TMEM204: variants seen among roughly 807,000 people sequenced by gnomAD.
The protein encoded by TMEM204 is transmembrane protein 204.
TMEM204 carries 15 observed loss-of-function variants against 19.4 expected under a neutral mutation model. The observed-to-expected ratio is 0.77, with a 90% confidence interval of 0.52 to 1.19. The LOEUF (loss-of-function observed/expected upper bound fraction) is 1.19, where lower values mean the gene tolerates loss of function less well. Ranked by LOEUF, TMEM204 falls within the 50% of genes most tolerant of loss-of-function variation. The probability of loss-of-function intolerance (pLI) is 0.00; values close to 1 mark genes in which losing one functional copy is unlikely to be tolerated. For missense variants in TMEM204, 287 were observed against 321.2 expected, an observed-to-expected ratio of 0.89 and a Z score of 0.81; for synonymous variants, 161 against 146.0, an observed-to-expected ratio of 1.10 and a Z score of -0.74.
intron 1 of TMEM204, chr16:1,540,958 G>A: frequency 1.0e-6 from 1 of 985,398 alleles, no homozygotes; most frequent in African/African-American, 1.7e-5. Context: ...AGGGGCCTGG[G>A]AACACACTGC....
intron 2 of TMEM204, among the ~76,000 whole-genome samples, chr16:1,552,534 C>T (rs2032737196): frequency 6.6e-6 from 1 of 152,204 alleles, no homozygotes; most frequent in Non-Finnish European, 1.5e-5. Flanking sequence ...CAGGCTCATT[C>T]CTTCACCCCA....
intron 1 of TMEM204, among the ~76,000 whole-genome samples, chr16:1,535,990 C>T (rs1271570947): frequency 2.0e-5 from 3 of 152,270 alleles, no homozygotes; most frequent in Non-Finnish European, 4.4e-5. Flanking sequence ...AGCCCCGTTA[C>T]TGTGCTGAAC....
In TMEM204 at chr16:1,534,533, G is replaced by A; in HGVS notation, c.258G>A (p.Gln86=). 1.2e-6 allele frequency: 2 copies of A among 1,605,010 alleles called. No individual in the cohort carries two copies. The highest frequency in any genetic ancestry group is 1.7e-6 in the Non-Finnish European group (2 of 1,179,748). ...GGGGCTCCGAGGCAGCCGGCTTCCAGGAGTCCCGAGGCACCGTCAAACGTA... is the reference window on the plus strand; with the variant it reads ...GGGGCTCCGAGGCAGCCGGCTTCCAAGAGTCCCGAGGCACCGTCAAACGTA... ...LGWGSEAAGF[Q]ESRGTVKLQF... Residue 86 remains glutamine, a synonymous_variant, in exon 1 of 3, where the codon CAG becomes CAA. Transcript: ENST00000566264.
chr16:1,542,212 A>G, intron 2 of TMEM204, 136 bp downstream of exon 2: 1 of 987,296 alleles, frequency 1.0e-6, no homozygotes, highest in Non-Finnish European at 1.4e-6. Context: ...CAGGCCACTG[A>G]GAAGCCCCAT....
intron 2 of TMEM204, among the ~76,000 whole-genome samples, chr16:1,549,213 GACAA>G (rs1435429299): frequency 1.3e-5 from 2 of 152,230 alleles, no homozygotes; most frequent in African/African-American, 2.4e-5. Flanking sequence ...CAGAACCAAA[GACAA>G]ACAAAAGCCG....
chr16:1,552,201 A>AT lies in TMEM204; in HGVS notation c.437-2580dup, dbSNP rs541625913. On this transcript the variant is annotated intron_variant, in intron 2 of 2. Transcript: ENST00000566264. Reference sequence around the variant, plus strand: ...TGAGGGGGAGAAACAGGCTGTGGCCATGGCGGGCTGGAGCCTGATGAAGGC... The same window carrying AT: ...TGAGGGGGAGAAACAGGCTGTGGCCATTGGCGGGCTGGAGCCTGATGAAGGC... Among the ~76,000 whole-genome samples the AT allele has an allele frequency of 1.8e-3, 271 of 152,308 alleles. 2 individuals carry two copies. Among genetic ancestry groups the AT allele is most frequent in the African/African-American group, 6.2e-3 (259 of 41,556 alleles).
Position 1,542,027 on chromosome 16 carries a change from C to T in TMEM204, c.387C>T (p.Pro129=), listed in dbSNP as rs150353439. ...TGGTGGGCCTGCCCCTGCTGTCACC[C>T]GACGCCCCGTGCTGGGAGGAGGCCA... ...LGLVGLPLLS[P]DAPCWEEAMA... is the part of the protein sequence containing the mutation. Residue 129 remains proline, a synonymous_variant, in exon 2 of 3, where the codon CCC becomes CCT. Coordinates refer to ENST00000566264, the MANE Select transcript of TMEM204 (RefSeq NM_024600.6). 87 of 1,611,146 alleles carry T rather than the reference C, an allele frequency of 5.4e-5. No homozygotes were observed. Among genetic ancestry groups the T allele is most frequent in the South Asian group, 3.5e-4 (32 of 90,974 alleles).
chr16:1,534,732 G>A (rs2030891971), intron 1 of TMEM204, among the ~76,000 whole-genome samples, 177 bp downstream of exon 1: 1 of 150,806 alleles, frequency 6.6e-6, no homozygotes, highest in Non-Finnish European at 1.5e-5. Flanking sequence ...AGGCCCCAAG[G>A]CCCCCTCTCC....
chr16:1,535,215 G>A (rs550125825), intron 1 of TMEM204, among the ~76,000 whole-genome samples: 35 of 152,288 alleles, frequency 2.3e-4, no homozygotes, highest in African/African-American at 7.2e-4. Flanking sequence ...CTGGAAAGGA[G>A]ACAGGGAGGC....
intron 1 of TMEM204, among the ~76,000 whole-genome samples, chr16:1,536,703 G>C (rs756336407): frequency 1.3e-5 from 2 of 152,100 alleles, no homozygotes; most frequent in Non-Finnish European, 2.9e-5. Context: ...ACGGGGACGC[G>C]CCCAGAGTCT....
chr16:1,544,805 C>A (rs943193724), intron 2 of TMEM204, among the ~76,000 whole-genome samples: 1 of 150,578 alleles, frequency 6.6e-6, no homozygotes, highest in African/African-American at 2.5e-5. Context: ...CCCGCCACCA[C>A]GCCTGGCTAA....
rs2141415221 is a variant in TMEM204 at position 1,553,980 on chromosome 16, G to A, written c.437-802G>A. ...GTAGCATCAGCGACTAACTAGACGG[G>A]AACAAGCTGCGCCAACCAAGGGTTG... On this transcript the variant is annotated intron_variant, in intron 2 of 2. Transcript: ENST00000566264. The surrounding 1 kb of genome is among the most constrained non-coding windows in gnomAD (Gnocchi z 4.4). The A allele has an allele frequency of 1.6e-6, 2 of 1,287,222 alleles. No individual in the cohort carries two copies. The highest frequency in any genetic ancestry group is 5.5e-5 in the East Asian group (1 of 18,020). 79.7% of individuals were successfully genotyped at this position (1,287,222 alleles called of 1,614,324 possible).
At chr16:1,537,683 C>T (rs768915152) in intron 1 of TMEM204, among the ~76,000 whole-genome samples, 1 of 152,248 alleles carries the variant, frequency 6.6e-6, no homozygotes, top group African/African-American at 2.4e-5. Context: ...CTCCTCACTT[C>T]GTCTCGTTTT....
rs763475669 is a variant in TMEM204, at chr16:1,551,455, GA to G, written c.437-3325del. Among the ~76,000 whole-genome samples, 9 of 152,194 alleles carry G rather than the reference GA, an allele frequency of 5.9e-5. No homozygotes were observed. Among genetic ancestry groups the G allele is most frequent in the Non-Finnish European group, 1.2e-4 (8 of 68,030 alleles). On this transcript the variant is annotated intron_variant, in intron 2 of 2. Transcript: ENST00000566264. This position sits in a 1 kb window ranked among gnomAD's most constrained non-coding sequence, Gnocchi z 4.0. Reference sequence around the variant, plus strand: ...AGGGCCACTGGGCCCCAGGGTGGCAGAAGGGCGGCCGCAGGTAGCAGGGGAG... The same window carrying G: ...AGGGCCACTGGGCCCCAGGGTGGCAGAGGGCGGCCGCAGGTAGCAGGGGAG...
upstream of TMEM204, among the ~76,000 whole-genome samples, chr16:1,530,543 C>G (rs2030355905): frequency 6.6e-6 from 1 of 151,704 alleles, no homozygotes; most frequent in Non-Finnish European, 1.5e-5. Context: ...TGGCTCCTTT[C>G]CTCTCCCTTG....
At position 1,539,282 on chromosome 16, in the gene TMEM204, C is replaced by G. The variant is rs376974733; in HGVS notation, c.281-2639C>G. Among the ~76,000 whole-genome samples, 7 of 151,636 alleles carry G rather than the reference C, an allele frequency of 4.6e-5. No homozygotes were observed. The East Asian group carries it at 1.4e-3, about 29-fold the overall frequency. ...AGCCACCCCACACCTTGGGCCTCAC[C>G]AAGCCGCACAGTGCCAGTGACGTCC... On this transcript the variant is annotated intron_variant, in intron 1 of 2. Transcript: ENST00000566264.
rs776729281 is a variant in TMEM204 at position 1,551,892 on chromosome 16, C to T, written c.437-2890C>T. Among the ~76,000 whole-genome samples the T allele has an allele frequency of 5.3e-5, 8 of 152,144 alleles. No homozygotes were observed. Among genetic ancestry groups the T allele is most frequent in the Non-Finnish European group, 1.2e-4 (8 of 68,032 alleles). ...AAAGCCACTGTAAATCCGAGCTGTG[C>T]ACTCAGAAGCCTCCCGGGTGTGTCC... On this transcript the variant is annotated intron_variant, in intron 2 of 2. Coordinates refer to ENST00000566264, the MANE Select transcript of TMEM204 (RefSeq NM_024600.6). The surrounding 1 kb of genome is among the most constrained non-coding windows in gnomAD (Gnocchi z 4.0).
intron 1 of TMEM204, among the ~76,000 whole-genome samples, chr16:1,537,437 G>A (rs1470764840): frequency 6.6e-6 from 1 of 152,254 alleles, no homozygotes; most frequent in African/African-American, 2.4e-5. Flanking sequence ...GACGCGCCCC[G>A]GACATCCTGA....
At chr16:1,538,446 T>C (rs546938062) in intron 1 of TMEM204, among the ~76,000 whole-genome samples, 141 of 152,242 alleles carry the variant, frequency 9.3e-4, no homozygotes, top group African/African-American at 3.2e-3. Context: ...TGCCTGGTGC[T>C]CAAGCCCACC....
Sources: allele counts gnomAD v4.1 joint callset (sites outside exome capture counted in the v4.1 genomes callset), GRCh38; gene constraint gnomAD v4.1.1; non-coding constraint Gnocchi (gnomAD v3.1); transcripts MANE v1.5; gene names NCBI Gene and HGNC (gene_info 2026-07-23, HGNC 2026-07-21).